Variants in FAM13B observed in about 807,000 individuals in gnomAD.
The protein encoded by FAM13B is protein FAM13B.
In FAM13B, 60 loss-of-function variants were observed where a neutral mutation model predicts 117.3. The observed-to-expected ratio is 0.51, with a 90% CI of 0.42 to 0.63. The LOEUF (loss-of-function observed/expected upper bound fraction) is 0.63, where lower values mean the gene tolerates loss of function less well. FAM13B is among the 30% of genes least tolerant of loss of function. The probability of loss-of-function intolerance (pLI) is 0.00; values close to 1 mark genes in which losing one functional copy is unlikely to be tolerated. For synonymous variants in FAM13B, 332 were observed against 356.1 expected, an observed-to-expected ratio of 0.93 and a Z score of 0.76; for missense variants, 972 against 1,091.9, an observed-to-expected ratio of 0.89 and a Z score of 1.55.
At chr5:137,954,537 TG>T in intron 14 of FAM13B, 161 bp from the exon 15 acceptor site, 2 of 157,218 alleles carry the variant, frequency 1.3e-5, no homozygotes, top group Non-Finnish European at 2.4e-5. Flanking sequence ...CATGTGTGTG[TG>T]TATATATATA....
chr5:137,956,379 C>T, intron 14 of FAM13B, 98 bp downstream of exon 14: 1 of 716,064 alleles, frequency 1.4e-6, no homozygotes, highest in Non-Finnish European at 2.1e-6. Context: ...GAACAGTTTT[C>T]CTAAGATATG....
chr5:138,005,915 T>C (rs1338493415), intron 7 of FAM13B, among the ~76,000 whole-genome samples: 7 of 152,070 alleles, frequency 4.6e-5, no homozygotes, highest in Non-Finnish European at 7.4e-5. Flanking sequence ...TTTTTTTTTT[T>C]TGAGACGGAG....
At chr5:137,978,623 C>T (rs1478763834) in intron 10 of FAM13B, among the ~76,000 whole-genome samples, 1 of 152,168 alleles carries the variant, frequency 6.6e-6, no homozygotes, top group African/African-American at 2.4e-5. Flanking sequence ...TTTTACCTCT[C>T]TATTTTGACC....
intron 7 of FAM13B, among the ~76,000 whole-genome samples, chr5:137,999,630 A>G (rs879349157): frequency 1.3e-5 from 2 of 152,148 alleles, no homozygotes; most frequent in Non-Finnish European, 2.9e-5. Context: ...TTGTTACAGC[A>G]ACACCCACTC....
In FAM13B at chr5:137,941,992, C is replaced by T. The variant is rs140719073; in HGVS notation, c.2642G>A (p.Arg881His). 35 of 1,613,890 alleles carry T rather than the reference C, an allele frequency of 2.2e-5. No homozygotes were observed. In the South Asian group the frequency reaches 2.6e-4, roughly 12 times the overall value. Residue 881 changes from arginine to histidine, a missense_variant, in exon 23 of 24, where the codon CGC (arginine) becomes CAC (histidine). Physicochemically the swap from Arg to His is conservative, Grantham distance 29. Transcript: ENST00000689681. ...TTCTTCAAATTCCCGCAACGTTTTG[C>T]GTAGTTTCTTTTTTTCAGCTCTGGC... ...WKARAEKKKL[R>H]KTLREFEEAF...
At chr5:137,970,867 C>A (rs1488656950) in intron 10 of FAM13B, among the ~76,000 whole-genome samples, 1 of 151,874 alleles carries the variant, frequency 6.6e-6, no homozygotes, top group East Asian at 1.9e-4. Context: ...ACAAAGAAGG[C>A]CATTACTTAA....
chr5:137,956,757 A>AG (rs3836894), intron 13 of FAM13B, among the ~76,000 whole-genome samples: 9,393 of 149,842 alleles, frequency 0.063, 410 homozygotes, highest in African/African-American at 0.11. Flanking sequence ...AATGCAAAAA[A>AG]GGGGGGGGAA....
intron 7 of FAM13B, 58 bp downstream of exon 7, chr5:138,006,932 G>T (rs1443942694): frequency 2.0e-6 from 3 of 1,482,942 alleles, no homozygotes; most frequent in Non-Finnish European, 1.8e-6. Context: ...ATGCTGGAGT[G>T]AGTTTACACT....
chr5:138,047,783 G>A (rs1323575339), intron 1 of FAM13B, among the ~76,000 whole-genome samples: 1 of 152,180 alleles, frequency 6.6e-6, no homozygotes, highest in Non-Finnish European at 1.5e-5. Context: ...ATGAACCAGG[G>A]AATGTGGACC....
At chr5:138,014,779 C>T (rs1784871367) in intron 4 of FAM13B, among the ~76,000 whole-genome samples, 1 of 152,142 alleles carries the variant, frequency 6.6e-6, no homozygotes, top group Non-Finnish European at 1.5e-5. Context: ...GCTACATTTC[C>T]TCTACACATT....
At chr5:137,946,342 C>CAAAA in intron 18 of FAM13B, 31 bp from the exon 19 acceptor site, 5 of 919,138 alleles carry the variant, frequency 5.4e-6, no homozygotes, top group Non-Finnish European at 7.5e-6. Flanking sequence ...TAACAAAATA[C>CAAAA]AAAAAAAAAA....
intron 1 of FAM13B, among the ~76,000 whole-genome samples, chr5:138,031,439 G>C (rs940691624): frequency 3.9e-5 from 6 of 152,174 alleles, no homozygotes; most frequent in African/African-American, 1.4e-4. Flanking sequence ...TGTAATCCCA[G>C]AACTCTGGGA....
chr5:138,036,848 T>G (rs572136070), upstream of FAM13B: 112 of 333,822 alleles, frequency 3.4e-4, no homozygotes, highest in African/African-American at 1.6e-3. Flanking sequence ...ACATTTTTGG[T>G]TTTTTTTTAA....
chr5:137,999,093 G>A (rs1036393489), intron 7 of FAM13B, among the ~76,000 whole-genome samples: 13 of 150,246 alleles, frequency 8.7e-5, no homozygotes, highest in Non-Finnish European at 1.6e-4. Flanking sequence ...TTTCTGAATT[G>A]CCTTCAGGGT....
At chr5:138,032,652 A>G (rs1446797042) in intron 1 of FAM13B, 130 bp downstream of exon 1, 6 of 894,250 alleles carry the variant, frequency 6.7e-6, no homozygotes, top group Non-Finnish European at 8.0e-6. Context: ...AGAGTCCTCC[A>G]CATCCCGAAA....
chr5:138,028,977 G>A (rs893730579), intron 1 of FAM13B, among the ~76,000 whole-genome samples: 3 of 152,044 alleles, frequency 2.0e-5, no homozygotes, highest in Non-Finnish European at 4.4e-5. Context: ...CGAGATCGCC[G>A]CCATTGCACT....
At chr5:137,980,249 G>A (rs1474582399) in intron 10 of FAM13B, among the ~76,000 whole-genome samples, 3 of 151,566 alleles carry the variant, frequency 2.0e-5, no homozygotes, top group Non-Finnish European at 2.9e-5. Context: ...AGGTATTATT[G>A]TGTATTGCCC....
At position 137,977,803 on chromosome 5, in the gene FAM13B, T is replaced by C. The variant is rs557402714; in HGVS notation, c.1179+7454A>G. Among the ~76,000 whole-genome samples, 4 of 152,368 alleles carry C rather than the reference T, an allele frequency of 2.6e-5. No individual in the cohort carries two copies. The East Asian group carries it at 7.7e-4, about 29-fold the overall frequency. Reference sequence around the variant, plus strand: ...TCCTCTACCTACCAAAGCTCCTCTTTCTTTACCAATAATTTCTATCACTAA... The same window carrying C: ...TCCTCTACCTACCAAAGCTCCTCTTCCTTTACCAATAATTTCTATCACTAA... On this transcript the variant is annotated intron_variant, in intron 10 of 23. Transcript: ENST00000689681.
chr5:138,024,518 A>G (rs1313536987), intron 1 of FAM13B, among the ~76,000 whole-genome samples: 1 of 151,740 alleles, frequency 6.6e-6, no homozygotes, highest in East Asian at 1.9e-4. Context: ...CCTAGTTTGT[A>G]GCAATTTGTC....
Sources: gnomAD v4.1 joint callset for allele counts (sites outside exome capture counted in the v4.1 genomes callset) on GRCh38, gnomAD v4.1.1 for gene constraint, MANE v1.5 for transcripts, NCBI Gene and HGNC (gene_info 2026-07-23, HGNC 2026-07-21) for gene names.